Variants in ATP8A2 observed in about 807,000 individuals in gnomAD.
The protein encoded by ATP8A2 is phospholipid-transporting ATPase IB.
A neutral mutation model predicts 165.6 loss-of-function variants in ATP8A2; 100 were observed. The observed-to-expected ratio is 0.60, with a 90% CI of 0.51 to 0.71. The LOEUF is 0.71. ATP8A2 is among the 30% of genes least tolerant of loss of function. ATP8A2 has a pLI of 0.00. For missense variants in ATP8A2, 1,227 were observed against 1,479.5 expected (o/e 0.83, Z 2.80); for synonymous variants, 543 against 548.8 (o/e 0.99, Z 0.15).
chr13:25,510,277 A>G (rs889078508), intron 2 of ATP8A2, among the ~76,000 whole-genome samples: 5 of 152,178 alleles, frequency 3.3e-5, no homozygotes, highest in African/African-American at 9.7e-5. Flanking sequence ...GTAGACATGA[A>G]TAGAGAAAAT....
At chr13:25,468,836 C>G in intron 1 of ATP8A2, 141 bp from the exon 2 acceptor site, 1 of 1,350,202 alleles carries the variant, frequency 7.4e-7, no homozygotes, top group South Asian at 1.8e-5. Flanking sequence ...CCAGGGGGAG[C>G]CAAGGTACGT....
chr13:25,609,059 G>A (rs1400527124), intron 24 of ATP8A2, among the ~76,000 whole-genome samples: 1 of 151,986 alleles, frequency 6.6e-6, no homozygotes, highest in Non-Finnish European at 1.5e-5. Flanking sequence ...TAGCCTTACC[G>A]ATTAGATTAC....
intron 2 of ATP8A2, chr13:25,517,134 G>A (rs2037503799): frequency 6.8e-6 from 1 of 148,148 alleles, no homozygotes; most frequent in African/African-American, 2.5e-5. Context: ...CACTTTGGCA[G>A]CACATAGACT....
intron 2 of ATP8A2, among the ~76,000 whole-genome samples, chr13:25,512,915 C>A (rs1183439526): frequency 2.2e-5 from 3 of 137,090 alleles, no homozygotes; most frequent in East Asian, 2.3e-4. Flanking sequence ...GGGGGGCTGA[C>A]CCCCCCACCT....
chr13:25,818,072 G>T (rs1350972979), intron 27 of ATP8A2, among the ~76,000 whole-genome samples: 1 of 152,142 alleles, frequency 6.6e-6, no homozygotes, highest in African/African-American at 2.4e-5. Context: ...AAGATGAGAA[G>T]ATTACTTCTG....
chr13:25,444,541 G>T (rs889064919), intron 1 of ATP8A2, among the ~76,000 whole-genome samples: 1 of 151,960 alleles, frequency 6.6e-6, no homozygotes, highest in East Asian at 1.9e-4. Context: ...GTGAGGAGTT[G>T]CTCTTCTTTT....
At chr13:25,967,842 A>T (rs1955816554) in intron 34 of ATP8A2, among the ~76,000 whole-genome samples, 1 of 152,136 alleles carries the variant, frequency 6.6e-6, no homozygotes, top group South Asian at 2.1e-4. Flanking sequence ...TGAGGTATTC[A>T]TCTTAGTGTC....
At chr13:25,995,077 T>C (rs1956469430) in intron 35 of ATP8A2, among the ~76,000 whole-genome samples, 1 of 152,038 alleles carries the variant, frequency 6.6e-6, no homozygotes, top group Non-Finnish European at 1.5e-5. Flanking sequence ...TTTCAAGGAA[T>C]TGGTCCATTT....
At chr13:25,896,128 G>A (rs1272706112) in intron 33 of ATP8A2, among the ~76,000 whole-genome samples, 1 of 152,086 alleles carries the variant, frequency 6.6e-6, no homozygotes, top group African/African-American at 2.4e-5. Context: ...TAATGTTAGG[G>A]TGTCAATTTT....
At chr13:25,792,771 A>C (rs537903521) in intron 27 of ATP8A2, among the ~76,000 whole-genome samples, 4 of 151,764 alleles carry the variant, frequency 2.6e-5, no homozygotes, top group African/African-American at 9.7e-5. Context: ...AAGAAAAAAA[A>C]TAGCCGGGGG....
At chr13:25,572,327 C>T (rs955347332) in intron 18 of ATP8A2, among the ~76,000 whole-genome samples, 5 of 152,130 alleles carry the variant, frequency 3.3e-5, no homozygotes, top group Non-Finnish European at 5.9e-5. Context: ...TTAGTAGAGA[C>T]GAGGTTTTGC....
At chr13:25,865,813 TC>T (rs1047466025) in intron 33 of ATP8A2, among the ~76,000 whole-genome samples, 1 of 152,224 alleles carries the variant, frequency 6.6e-6, no homozygotes, top group African/African-American at 2.4e-5. Context: ...ATCCTGTTTT[TC>T]CGTTTTTCTC....
chr13:25,442,054 C>T (rs2034945494), intron 1 of ATP8A2, among the ~76,000 whole-genome samples: 1 of 152,174 alleles, frequency 6.6e-6, no homozygotes, highest in African/African-American at 2.4e-5. Context: ...CATGTGGAAG[C>T]ACGTGTCAGA....
intron 25 of ATP8A2, among the ~76,000 whole-genome samples, chr13:25,760,785 G>C (rs1158706738): frequency 6.6e-6 from 1 of 152,126 alleles, no homozygotes; most frequent in East Asian, 1.9e-4. Context: ...TATTTGTGGA[G>C]TGTGAAGAAG....
chr13:25,662,130 C>T (rs749653878), intron 24 of ATP8A2, among the ~76,000 whole-genome samples: 32 of 152,190 alleles, frequency 2.1e-4, no homozygotes, highest in Non-Finnish European at 1.2e-4. Context: ...TTAATAATAA[C>T]ATCTACCTCA....
intron 1 of ATP8A2, among the ~76,000 whole-genome samples, chr13:25,429,969 G>A (rs986212895): frequency 3.3e-5 from 5 of 152,180 alleles, no homozygotes; most frequent in African/African-American, 1.2e-4. Context: ...CTTTTAGACA[G>A]TTTGGCAGTG....
intron 2 of ATP8A2, among the ~76,000 whole-genome samples, chr13:25,525,053 T>C (rs963366967): frequency 6.6e-6 from 1 of 151,990 alleles, no homozygotes; most frequent in East Asian, 1.9e-4. Context: ...GTATCTATTA[T>C]AGGTTTTTGC....
chr13:25,464,252 CT>C (rs1033255396), intron 1 of ATP8A2, among the ~76,000 whole-genome samples: 2 of 152,054 alleles, frequency 1.3e-5, no homozygotes, highest in African/African-American at 2.4e-5. Flanking sequence ...CTCTTTAACC[CT>C]TTTTGCTTTT....
intron 24 of ATP8A2, among the ~76,000 whole-genome samples, chr13:25,671,516 G>A (rs961829090): frequency 1.3e-5 from 2 of 152,180 alleles, no homozygotes; most frequent in Admixed American, 1.3e-4. Context: ...ATATCCCTGA[G>A]AAAGAGAATG....
Sources: gnomAD v4.1 joint callset for allele counts (sites outside exome capture counted in the v4.1 genomes callset) on GRCh38, gnomAD v4.1.1 for gene constraint, MANE v1.5 for transcripts, NCBI Gene and HGNC (gene_info 2026-07-23, HGNC 2026-07-21) for gene names.